Variants in XG observed in about 807,000 individuals in gnomAD.
XG encodes Xg glycoprotein (Xg blood group), also known as glycoprotein Xg.
A neutral mutation model predicts 25.7 loss-of-function variants in XG; 24 were observed. The observed-to-expected ratio is 0.93, with a 90% CI of 0.68 to 1.31. The LOEUF (loss-of-function observed/expected upper bound fraction) is 1.31. XG is among the 40% of genes most tolerant of loss of function. The probability of loss-of-function intolerance (pLI) is 0.00; values close to 1 mark genes in which losing one functional copy is unlikely to be tolerated. For missense variants in XG, 181 were observed against 187.6 expected (o/e 0.96, Z 0.21); for synonymous variants, 77 against 69.2 (o/e 1.11, Z -0.56).
At chrX:2,752,883 G>T in intron 1 of XG, 1 of 980,728 alleles carries the variant, frequency 1.0e-6, no homozygotes. Context: ...CAAAAACTTC[G>T]ATATAAACTT....
intron 1 of XG, among the ~76,000 whole-genome samples, chrX:2,764,344 A>G (rs1482860621): frequency 6.6e-6 from 1 of 152,060 alleles, no homozygotes; most frequent in Non-Finnish European, 1.5e-5. Flanking sequence ...TTTCTAATAA[A>G]CTTGCTTTCA....
chrX:2,766,297 C>A (rs1390745222), intron 1 of XG, among the ~76,000 whole-genome samples: 1 of 152,114 alleles, frequency 6.6e-6, no homozygotes, highest in Non-Finnish European at 1.5e-5. Flanking sequence ...CGCACCACCA[C>A]GCTCAGCTAA....
intron 1 of XG, among the ~76,000 whole-genome samples, chrX:2,769,255 C>A (rs1180673928): frequency 6.6e-6 from 1 of 152,196 alleles, no homozygotes; most frequent in Non-Finnish European, 1.5e-5. Flanking sequence ...GGGAGGGAGA[C>A]AGACATCAGA....
intron 1 of XG, among the ~76,000 whole-genome samples, chrX:2,763,217 T>G (rs1214242652): frequency 1.3e-5 from 2 of 152,160 alleles, no homozygotes; most frequent in Non-Finnish European, 2.9e-5. Flanking sequence ...CTTCCCCATG[T>G]TGGCCAGTCT....
intron 10 of XG, 40 bp downstream of exon 10, chrX:2,811,492 C>G: frequency 1.0e-6 from 1 of 989,520 alleles, no homozygotes; most frequent in East Asian, 3.4e-5. Context: ...TGTTACTAAG[C>G]CTGATTTAAA....
chrX:2,775,897 A>T (rs2050970743), intron 3 of XG, among the ~76,000 whole-genome samples: 1 of 148,316 alleles, frequency 6.7e-6, no homozygotes, highest in African/African-American at 2.5e-5. Context: ...TGGAGGTTGC[A>T]GTGAGCCGAG....
At position 2,787,492 on chromosome X, in the gene XG, C is replaced by T. The variant is rs371964458; in HGVS notation, c.191-2152C>T. The stretch of plus-strand genomic sequence containing the variant: ...TGAACCAAGCCACGAATATGCAGCT[C>T]GTGCTCCGGGCAGTGCCTTCTGGCC... On this transcript the variant is annotated intron_variant, in intron 4 of 10. Transcript: ENST00000644266. Among the ~76,000 whole-genome samples, 53 of 111,567 alleles carry T rather than the reference C, an allele frequency of 4.8e-4. 1 individual carries two copies. The highest frequency in any genetic ancestry group is 1.6e-3 in the Admixed American group (17 of 10,479).
rs772692235 is a variant in XG at position 2,782,133 on chromosome X, G to A, written c.190+5G>A. The stretch of plus-strand genomic sequence containing the variant: ...AGAATCCCGACAGCGGTGGAAGTAA[G>A]AATCCGCAGGCCTGAAACTCTTTCT... On this transcript the variant is annotated splice_donor_5th_base_variant and intron_variant, in intron 4 of 10. Transcript: ENST00000644266. 2.5e-6 allele frequency: 3 copies of A among 1,209,579 alleles called. No individual in the cohort carries two copies. In the East Asian group the frequency reaches 8.9e-5, roughly 36 times the overall value.
chrX:2,752,439 T>C, intron 1 of XG, 104 bp downstream of exon 1: 1 of 1,486,804 alleles, frequency 6.7e-7, no homozygotes, highest in East Asian at 2.3e-5. Flanking sequence ...TGAATGGGGA[T>C]AATTTGCCCA....
intron 1 of XG, among the ~76,000 whole-genome samples, chrX:2,758,456 C>T (rs1043551760): frequency 1.3e-5 from 2 of 152,192 alleles, no homozygotes; most frequent in Non-Finnish European, 2.9e-5. Context: ...CGTGTGCAAC[C>T]GTGTGGTTAC....
chrX:2,770,933 G>A (rs1253384190), intron 2 of XG, among the ~76,000 whole-genome samples: 1 of 151,932 alleles, frequency 6.6e-6, no homozygotes, highest in African/African-American at 2.4e-5. Flanking sequence ...ACATAGCCTC[G>A]ACTTCCTGGC....
intron 5 of XG, among the ~76,000 whole-genome samples, chrX:2,792,687 A>G (rs1009872609): frequency 9.3e-6 from 1 of 107,935 alleles, no homozygotes; most frequent in African/African-American, 3.4e-5. Flanking sequence ...GATGTGAGCC[A>G]CTGAGCCCAG....
chrX:2,794,645 A>G (rs1201645445), intron 6 of XG, 42 bp downstream of exon 6: 1 of 1,191,024 alleles, frequency 8.4e-7, no homozygotes, highest in East Asian at 3.0e-5. Flanking sequence ...TTGAATTTGC[A>G]CAGAGAGGGT....
chrX:2,808,291 CTGTG>C, intron 9 of XG, 71 bp downstream of exon 9: 1 of 1,134,921 alleles, frequency 8.8e-7, no homozygotes, highest in Non-Finnish European at 1.2e-6. Flanking sequence ...CTGGGAGGAG[CTGTG>C]TGGGCTTCTG....
Position 2,811,339 on chromosome X carries a change from A to C in XG, c.458A>C (p.Asn153Thr). The C allele has an allele frequency of 8.3e-7, 1 of 1,204,373 alleles. No homozygotes were observed. The highest frequency in any genetic ancestry group is 1.1e-6 in the Non-Finnish European group (1 of 890,813). The part of the protein sequence containing the change: ...HHSTYGNPEG[N>T]MVAKIVSPIV... ...TGCTTTTTCTCCACTCCTGCAGGCA[A>C]TATGGTAGCAAAAATCGTGTCTCCC... is the stretch of plus-strand genomic sequence containing the variant. Residue 153 changes from asparagine to threonine, a missense_variant, in exon 10 of 11, where the codon AAT becomes ACT. Coordinates refer to ENST00000644266, the MANE Select transcript of XG (RefSeq NM_001141919.2).
Position 2,782,110 on chromosome X carries a change from A to C in XG, c.172A>C (p.Asn58His), listed in dbSNP as rs767493754. Residue 58 changes from asparagine to histidine, a missense_variant, in exon 4 of 11, where the codon AAT becomes CAT. Coordinates refer to ENST00000644266, the MANE Select transcript of XG (RefSeq NM_001141919.2). The stretch of plus-strand genomic sequence containing the variant: ...ACCACCTTACTACCCACAGCCCGAG[A>C]ATCCCGACAGCGGTGGAAGTAAGAA... ...PKPPYYPQPE[N>H]PDSGGNIYPR... 3.3e-6 allele frequency: 4 copies of C among 1,210,260 alleles called. No homozygotes were observed. The South Asian group carries it at 5.3e-5, about 16-fold the overall frequency.
chrX:2,773,381 C>T (rs183722097), intron 2 of XG, among the ~76,000 whole-genome samples: 8 of 111,182 alleles, frequency 7.2e-5, no homozygotes, highest in Non-Finnish European at 1.4e-4. Context: ...AAGGGAAGGA[C>T]GGAGGGAAGG....
chrX:2,770,082 A>T (rs1356986117), intron 1 of XG, among the ~76,000 whole-genome samples: 1 of 151,300 alleles, frequency 6.6e-6, no homozygotes, highest in Non-Finnish European at 1.5e-5. Context: ...GGGACAGTCC[A>T]GGAGAGAAGT....
intron 5 of XG, among the ~76,000 whole-genome samples, chrX:2,791,331 C>G (rs953812742): frequency 2.0e-4 from 22 of 111,621 alleles, no homozygotes; most frequent in Non-Finnish European, 3.6e-4. Context: ...GGGAGTTCCC[C>G]TGATTGTGAT....
Sources: gnomAD v4.1 joint callset for allele counts (sites outside exome capture counted in the v4.1 genomes callset) on GRCh38, gnomAD v4.1.1 for gene constraint, MANE v1.5 for transcripts, NCBI Gene and HGNC (gene_info 2026-07-23, HGNC 2026-07-21) for gene names.